RALGPS1: variants seen among roughly 807,000 people sequenced by gnomAD.
RALGPS1 encodes Ral GEF with PH domain and SH3 binding motif 1.
Under a neutral mutation model 78.8 loss-of-function variants are expected in RALGPS1, and 19 were observed. The observed-to-expected ratio is 0.24, with a 90% CI of 0.17 to 0.35. RALGPS1 has a LOEUF of 0.35. Ranked by LOEUF, RALGPS1 falls within the 10% of genes least tolerant of loss-of-function variation. RALGPS1 has a pLI of 1.00. For synonymous variants in RALGPS1, 228 were observed against 256.3 expected, an observed-to-expected ratio of 0.89 and a Z score of 1.06; for missense variants, 454 against 688.3, an observed-to-expected ratio of 0.66 and a Z score of 3.81.
In RALGPS1 at chr9:127,168,792, T is replaced by C; in HGVS notation, c.842+20T>C. Reference sequence around the variant, plus strand: ...CTACAAGTAAGTCCCCACGTATTCCTGTGTCAGGCCTCCCAGCCCCACTTT... The same window carrying C: ...CTACAAGTAAGTCCCCACGTATTCCCGTGTCAGGCCTCCCAGCCCCACTTT... On this transcript the variant is annotated intron_variant, in intron 10 of 18. Transcript: ENST00000259351. The C allele has an allele frequency of 1.3e-6, 2 of 1,576,564 alleles. No homozygotes were observed. Among genetic ancestry groups the C allele is most frequent in the Non-Finnish European group, 1.7e-6 (2 of 1,145,982 alleles).
intron 1 of RALGPS1, among the ~76,000 whole-genome samples, chr9:126,954,116 A>G (rs2038123039): frequency 1.3e-5 from 2 of 152,092 alleles, no homozygotes; most frequent in Non-Finnish European, 1.5e-5. Context: ...TTGACCCCCA[A>G]AGGCATTGGT....
At chr9:127,028,174 A>G (rs1375892892) in intron 4 of RALGPS1, among the ~76,000 whole-genome samples, 1 of 152,154 alleles carries the variant, frequency 6.6e-6, no homozygotes, top group African/African-American at 2.4e-5. Flanking sequence ...GCCCTAACTC[A>G]GGTGTGGTGC....
chr9:127,202,522 A>G (rs2061688704), intron 14 of RALGPS1, among the ~76,000 whole-genome samples: 1 of 152,168 alleles, frequency 6.6e-6, no homozygotes, highest in African/African-American at 2.4e-5. Flanking sequence ...ACAAGGGTGC[A>G]GAGAGCAAAG....
intron 5 of RALGPS1, among the ~76,000 whole-genome samples, chr9:127,048,973 A>G (rs146354764): frequency 6.6e-6 from 1 of 152,348 alleles, no homozygotes; most frequent in East Asian, 1.9e-4. Flanking sequence ...TTTGCTTTCT[A>G]TTTGAAAAGT....
intron 10 of RALGPS1, among the ~76,000 whole-genome samples, chr9:127,172,365 G>C (rs1379732953): frequency 6.6e-6 from 1 of 152,164 alleles, no homozygotes; most frequent in Non-Finnish European, 1.5e-5. Flanking sequence ...TGCCTGGTAG[G>C]TGAAGAATTC....
chr9:127,010,633 G>A (rs868198804), intron 4 of RALGPS1, among the ~76,000 whole-genome samples: 29 of 152,250 alleles, frequency 1.9e-4, no homozygotes, highest in African/African-American at 6.3e-4. Flanking sequence ...AGTGCCTTTC[G>A]TGTTCATATT....
chr9:126,998,009 A>G (rs2042933639), intron 4 of RALGPS1, among the ~76,000 whole-genome samples: 1 of 152,256 alleles, frequency 6.6e-6, no homozygotes, highest in African/African-American at 2.4e-5. Context: ...CATGTTATAC[A>G]AAAATTAATT....
rs527804826 is a variant in RALGPS1, at chr9:126,966,084, G to A, written c.165+133G>A. On this transcript the variant is annotated intron_variant, in intron 3 of 18. Coordinates refer to ENST00000259351, the MANE Select transcript of RALGPS1 (RefSeq NM_014636.3). ...AAGAGGGGAGTGTTGAGTAAAGTCC[G>A]TACCACCCTTTGTGAAATACAATGC... The A allele has an allele frequency of 6.2e-4, 409 of 654,624 alleles. 4 individuals are homozygous for A. The highest frequency in any genetic ancestry group is 4.5e-3 in the Middle Eastern group (14 of 3,122). The allele number at this position is 654,624 out of a possible 1,614,324, so 40.6% of individuals were successfully genotyped here. A position where few individuals can be genotyped will look rare whatever the true frequency, so the allele number is the denominator to read the frequency against.
chr9:127,076,156 T>C (rs1268601119), intron 8 of RALGPS1, among the ~76,000 whole-genome samples: 1 of 152,252 alleles, frequency 6.6e-6, no homozygotes, highest in Non-Finnish European at 1.5e-5. Context: ...AGCAGCTCCT[T>C]GCAAATACCC....
chr9:127,129,145 G>A (rs948994966), intron 8 of RALGPS1, among the ~76,000 whole-genome samples: 2 of 152,132 alleles, frequency 1.3e-5, no homozygotes, highest in Non-Finnish European at 2.9e-5. Flanking sequence ...TTTTCATTTT[G>A]TTTCGTAACA....
chr9:127,032,375 A>G (rs1019182501), intron 4 of RALGPS1, among the ~76,000 whole-genome samples: 7 of 47,588 alleles, frequency 1.5e-4, no homozygotes, highest in African/African-American at 5.5e-4. Context: ...GTGCGTGTGC[A>G]CACACACACA....
At chr9:126,917,891 C>T (rs370108868) in intron 1 of RALGPS1, among the ~76,000 whole-genome samples, 9 of 152,156 alleles carry the variant, frequency 5.9e-5, no homozygotes, top group Admixed American at 1.3e-4. Context: ...AAGAGTCCTT[C>T]GAGCTCTAGC....
intron 8 of RALGPS1, among the ~76,000 whole-genome samples, chr9:127,086,902 G>C (rs1357014698): frequency 1.3e-5 from 2 of 152,204 alleles, no homozygotes; most frequent in African/African-American, 4.8e-5. Flanking sequence ...AGGGAGAGGA[G>C]ATAAGATCCT....
intron 4 of RALGPS1, among the ~76,000 whole-genome samples, chr9:126,984,568 G>C (rs1471892829): frequency 1.3e-5 from 2 of 152,186 alleles, no homozygotes; most frequent in East Asian, 3.8e-4. Context: ...TGTTTTTGGT[G>C]AGCAGTCTGT....
intron 1 of RALGPS1, among the ~76,000 whole-genome samples, chr9:126,916,121 T>C (rs919120991): frequency 2.6e-5 from 4 of 152,170 alleles, no homozygotes; most frequent in Non-Finnish European, 5.9e-5. Context: ...GATAAAGTTA[T>C]GAGTTTCCTT....
At chr9:126,994,259 G>A (rs915373785) in intron 4 of RALGPS1, among the ~76,000 whole-genome samples, 5 of 137,294 alleles carry the variant, frequency 3.6e-5, no homozygotes, top group Non-Finnish European at 6.5e-5. Flanking sequence ...TGAACCAATG[G>A]CAAAGAAGTT....
chr9:127,165,917 T>G, intron 8 of RALGPS1, 152 bp from the exon 9 acceptor site: 1 of 1,208,068 alleles, frequency 8.3e-7, no homozygotes, highest in Non-Finnish European at 1.1e-6. Context: ...GTGAAAAAAT[T>G]AGTAATCAGG....
chr9:127,093,264 A>G (rs2052696660), intron 8 of RALGPS1, among the ~76,000 whole-genome samples: 3 of 152,066 alleles, frequency 2.0e-5, no homozygotes, highest in African/African-American at 7.2e-5. Flanking sequence ...ATGAGCCTGG[A>G]ATTAGGACTT....
rs536448979 is a variant in RALGPS1, at chr9:126,941,430, T to TA, written c.-65-20794dup. ...CAAAATATCCCATATACCCCATAAA[T>TA]ATATGCACCTGCTGTGTACCTGCAA... On this transcript the variant is annotated intron_variant, in intron 1 of 18. Coordinates refer to ENST00000259351, the MANE Select transcript of RALGPS1 (RefSeq NM_014636.3). Among the ~76,000 whole-genome samples, 3 of 152,234 alleles carry TA rather than the reference T, an allele frequency of 2.0e-5. No individual in the cohort carries two copies. In the South Asian group the frequency reaches 6.2e-4, roughly 32 times the overall value.
Sources: allele counts gnomAD v4.1 joint callset (sites outside exome capture counted in the v4.1 genomes callset), GRCh38; gene constraint gnomAD v4.1.1; transcripts MANE v1.5; gene names NCBI Gene and HGNC (gene_info 2026-07-23, HGNC 2026-07-21).